ANKFN1: variants seen among roughly 807,000 people sequenced by gnomAD.
The protein encoded by ANKFN1 is ankyrin repeat and fibronectin type-III domain-containing protein 1.
ANKFN1 carries 74 observed loss-of-function variants against 108.7 expected under a neutral mutation model. The observed-to-expected ratio is 0.68, with a 90% CI of 0.56 to 0.83. ANKFN1 has a LOEUF of 0.83. ANKFN1 is among the 40% of genes least tolerant of loss of function. The pLI is 0.00. For synonymous variants in ANKFN1, 547 were observed against 516.2 expected (o/e 1.06, Z -0.81); for missense variants, 1,505 against 1,382.3 (o/e 1.09, Z -1.41).
At chr17:56,385,328 A>G (rs1334544630) in intron 8 of ANKFN1, among the ~76,000 whole-genome samples, 15 of 152,238 alleles carry the variant, frequency 9.9e-5, no homozygotes, top group Admixed American at 9.8e-4. Flanking sequence ...TTCAAGATGG[A>G]TTAAAGACTT....
At chr17:56,075,082 G>C (rs1905166094) in intron 4 of ANKFN1, among the ~76,000 whole-genome samples, 1 of 152,206 alleles carries the variant, frequency 6.6e-6, no homozygotes, top group South Asian at 2.1e-4. Context: ...GCAGGAAACA[G>C]ACCCAAACCT....
chr17:56,066,750 C>T (rs1488675966), intron 4 of ANKFN1, among the ~76,000 whole-genome samples: 1 of 152,104 alleles, frequency 6.6e-6, no homozygotes, highest in Non-Finnish European at 1.5e-5. Flanking sequence ...CCCCATAGCC[C>T]CTGGAAACCA....
chr17:56,244,503 C>T (rs1403025918), intron 3 of ANKFN1, among the ~76,000 whole-genome samples: 2 of 152,148 alleles, frequency 1.3e-5, no homozygotes, highest in Admixed American at 6.6e-5. Flanking sequence ...AATGAAATTA[C>T]TCAGCTTAGA....
Position 56,079,047 on chromosome 17 carries a change from C to T in ANKFN1, c.288+32722C>T, listed in dbSNP as rs531529419. On this transcript the variant is annotated intron_variant, in intron 4 of 12. Transcript: ENST00000635860. The stretch of plus-strand genomic sequence containing the variant: ...ATCCAAGTTCCCTGTAGCTCTTAAA[C>T]GAGTGGGGCTGACAAATAGGGCCAG... 1.1e-4 allele frequency among the ~76,000 whole-genome samples: 16 copies of T among 152,250 alleles called. No homozygotes were observed. The East Asian group carries it at 1.7e-3, about 17-fold the overall frequency.
chr17:56,333,863 C>T (rs1476094068), intron 4 of ANKFN1, among the ~76,000 whole-genome samples: 1 of 151,994 alleles, frequency 6.6e-6, no homozygotes, highest in East Asian at 1.9e-4. Flanking sequence ...AAAAGGTGGT[C>T]TCCTAGCTAA....
intron 8 of ANKFN1, among the ~76,000 whole-genome samples, chr17:56,409,467 G>A (rs1265278523): frequency 6.6e-6 from 1 of 152,176 alleles, no homozygotes; most frequent in Non-Finnish European, 1.5e-5. Context: ...CCAGCTAGTG[G>A]CCTCAGAGCC....
Position 56,374,619 on chromosome 17 carries a change from C to A in ANKFN1, c.815C>A (p.Thr272Asn). The A allele has an allele frequency of 1.9e-6, 3 of 1,613,832 alleles. No homozygotes were observed. Among genetic ancestry groups the A allele is most frequent in the South Asian group, 2.2e-5 (2 of 91,064 alleles). Residue 272 changes from threonine (T) to asparagine (N), a missense_variant, in exon 8 of 21, where the codon ACC (threonine) becomes AAC (asparagine). By Grantham distance (65) the Thr-to-Asn change is moderately conservative. Coordinates refer to ENST00000682825, the MANE Select transcript of ANKFN1 (RefSeq NM_001370326.1). Reference sequence around the variant, plus strand: ...GTCCCAGGAGCCCCTGAGATGCCAACCAATGTCTGTCTCATGGTAACCAGC... The same window carrying A: ...GTCCCAGGAGCCCCTGAGATGCCAAACAATGTCTGTCTCATGGTAACCAGC... ...FEHARAPEMP[T>N]NVCLMVTSST...
chr17:56,310,370 C>G (rs2044978397), intron 3 of ANKFN1, among the ~76,000 whole-genome samples: 1 of 152,146 alleles, frequency 6.6e-6, no homozygotes, highest in Non-Finnish European at 1.5e-5. Flanking sequence ...GTAATCCCAG[C>G]ACTTTGGGAG....
intron 4 of ANKFN1, among the ~76,000 whole-genome samples, chr17:56,129,487 TAA>T (rs11285113): frequency 8.3e-4 from 121 of 146,302 alleles, no homozygotes; most frequent in African/African-American, 1.8e-3. Flanking sequence ...AACCACTCCA[TAA>T]AAAAAAAAAA....
chr17:56,345,561 C>CA, intron 4 of ANKFN1, among the ~76,000 whole-genome samples: 1 of 152,132 alleles, frequency 6.6e-6, no homozygotes, highest in Non-Finnish European at 1.5e-5. Context: ...TCTGTTGTTT[C>CA]AGGACTCTCT....
Position 56,480,651 on chromosome 17 carries a change from C to T in ANKFN1, c.1941-17C>T, listed in dbSNP as rs573037827. On this transcript the variant is annotated splice_polypyrimidine_tract_variant and intron_variant, in intron 16 of 20. Transcript: ENST00000682825. Reference sequence around the variant, plus strand: ...ACTTTTGTTATATTTCTAATTTTAACTTGACTCAACATACAGAGAGGAATG... The same window carrying T: ...ACTTTTGTTATATTTCTAATTTTAATTTGACTCAACATACAGAGAGGAATG... 14 of 1,611,516 alleles carry T rather than the reference C, an allele frequency of 8.7e-6. 1 individual carries two copies. In the South Asian group the frequency reaches 9.9e-5, roughly 11 times the overall value.
chr17:56,219,857 A>G (rs1242815229), intron 2 of ANKFN1, among the ~76,000 whole-genome samples: 2 of 152,224 alleles, frequency 1.3e-5, no homozygotes, highest in Non-Finnish European at 2.9e-5. Flanking sequence ...ACAAACTGTC[A>G]GAGCAGTTTC....
At chr17:56,081,334 G>GTTTA (rs571600069) in intron 4 of ANKFN1, among the ~76,000 whole-genome samples, 43 of 71,024 alleles carry the variant, frequency 6.1e-4, no homozygotes, top group South Asian at 5.1e-3. Context: ...GGTTTTATTT[G>GTTTA]TTTATTTATT....
intron 11 of ANKFN1, among the ~76,000 whole-genome samples, chr17:56,456,401 C>CTTTTTTTTTT (rs397713657): frequency 3.5e-5 from 4 of 115,494 alleles, no homozygotes; most frequent in African/African-American, 9.9e-5. Flanking sequence ...CTTTTTTTCT[C>CTTTTTTTTTT]TTTTTTTTTT....
chr17:56,332,775 T>C (rs2144574238), intron 4 of ANKFN1, among the ~76,000 whole-genome samples: 1 of 152,254 alleles, frequency 6.6e-6, no homozygotes, highest in Non-Finnish European at 1.5e-5. Flanking sequence ...AACTTTGTTC[T>C]TCTTTTTCAA....
chr17:56,047,448 T>C (rs1904698881), intron 4 of ANKFN1, among the ~76,000 whole-genome samples: 1 of 152,302 alleles, frequency 6.6e-6, no homozygotes, highest in East Asian at 1.9e-4. Flanking sequence ...TTGAAGAGTC[T>C]GAGGCACTCT....
intron 11 of ANKFN1, 87 bp from the exon 12 acceptor site, chr17:56,456,774 G>A: frequency 9.6e-7 from 1 of 1,040,040 alleles, no homozygotes; most frequent in Non-Finnish European, 1.5e-6. Context: ...GGATGGGGGA[G>A]GGGAAGGCAG....
At chr17:56,500,884 T>C (rs537470311) in intron 20 of ANKFN1, among the ~76,000 whole-genome samples, 1 of 152,316 alleles carries the variant, frequency 6.6e-6, no homozygotes, top group East Asian at 1.9e-4. Flanking sequence ...ACTTACATTC[T>C]AGAAACAGGG....
chr17:56,291,892 G>A (rs993217244), intron 3 of ANKFN1, among the ~76,000 whole-genome samples: 1 of 152,136 alleles, frequency 6.6e-6, no homozygotes, highest in African/African-American at 2.4e-5. Context: ...AAAGAACCAG[G>A]AATTAGTTAG....
Sources: gnomAD v4.1 joint callset for allele counts (sites outside exome capture counted in the v4.1 genomes callset) on GRCh38, gnomAD v4.1.1 for gene constraint, MANE v1.5 for transcripts, NCBI Gene and HGNC (gene_info 2026-07-23, HGNC 2026-07-21) for gene names.